Variants in DNM2 observed in about 807,000 individuals in gnomAD.
DNM2 encodes the protein dynamin-2.
DNM2 carries 15 observed loss-of-function variants against 99.0 expected under a neutral mutation model. The ratio of observed to expected loss-of-function variants is 0.15; its 90% confidence interval spans 0.10 to 0.23. The LOEUF (loss-of-function observed/expected upper bound fraction) is 0.23. Among genes scored for constraint, DNM2 ranks in the 10% least tolerant of loss-of-function variants. The pLI, the probability that DNM2 is intolerant of heterozygous loss-of-function variation, is 1.00. For missense variants in DNM2, 742 were observed against 1,189.4 expected (o/e 0.62, Z 5.53); for synonymous variants, 525 against 481.2 (o/e 1.09, Z -1.19).
In DNM2 at chr19:10,720,943, CAGAT is replaced by C. The variant is rs1017418454; in HGVS notation, c.161+2543_161+2546del. 1.2e-4 allele frequency among the ~76,000 whole-genome samples: 18 copies of C among 152,210 alleles called. No homozygotes were observed. The South Asian group carries it at 2.7e-3, about 23-fold the overall frequency. The stretch of plus-strand genomic sequence containing the variant: ...TTTTACAGAGCAGGAAACTGAGGCT[CAGAT>C]AGCTGAGCAGAACACTCTCACTGGA... On this transcript the variant is annotated intron_variant, in intron 1 of 20. Coordinates refer to ENST00000389253, the MANE Select transcript of DNM2 (RefSeq NM_001005361.3).
chr19:10,725,815 G>A (rs904752467), intron 1 of DNM2, among the ~76,000 whole-genome samples: 3 of 152,036 alleles, frequency 2.0e-5, no homozygotes, highest in Non-Finnish European at 2.9e-5. Context: ...GTACAGTGGC[G>A]TAATCATGGC....
intron 1 of DNM2, among the ~76,000 whole-genome samples, chr19:10,724,046 T>C (rs1310452355): frequency 1.3e-5 from 2 of 149,512 alleles, no homozygotes; most frequent in East Asian, 4.0e-4. Flanking sequence ...ATCACGCTAC[T>C]GCCTTCCAGC....
At position 10,730,383 on chromosome 19, in the gene DNM2, C is replaced by T. The variant is rs1350448046; in HGVS notation, c.161+11980C>T. On this transcript the variant is annotated intron_variant, in intron 1 of 20. Coordinates refer to ENST00000389253, the MANE Select transcript of DNM2 (RefSeq NM_001005361.3). ...CTTAGCTACTTGGAATCCCGAGGTGCGAGGATCCCTTGAGCTAGGGTAGCG... is the reference window on the plus strand; with the variant it reads ...CTTAGCTACTTGGAATCCCGAGGTGTGAGGATCCCTTGAGCTAGGGTAGCG... Among the ~76,000 whole-genome samples, 7 of 151,974 alleles carry T rather than the reference C, an allele frequency of 4.6e-5. No homozygotes were observed. The East Asian group carries it at 9.7e-4, about 21-fold the overall frequency.
chr19:10,791,711 C>G (rs182706654), intron 7 of DNM2, among the ~76,000 whole-genome samples: 3 of 152,134 alleles, frequency 2.0e-5, no homozygotes, highest in East Asian at 1.9e-4. Flanking sequence ...CCCCCTCCCC[C>G]CGTCGCCCAG....
intron 16 of DNM2, chr19:10,823,222 T>C (rs2073036750): frequency 6.7e-6 from 1 of 150,310 alleles, no homozygotes. Flanking sequence ...CTGACCAACA[T>C]GGAGAAACCC....
Position 10,795,352 on chromosome 19 carries a change from C to T in DNM2, c.1129-20C>T. 6.2e-7 allele frequency: 1 copy of T among 1,614,084 alleles called. No individual in the cohort carries two copies. The highest frequency in any genetic ancestry group is 8.5e-7 in the Non-Finnish European group (1 of 1,179,990). The stretch of plus-strand genomic sequence containing the variant: ...CGCCCCGGGTGCCTCCATGCATGTG[C>T]TTGGTTTGTCTCTTCTCAGATGGAG... On this transcript the variant is annotated intron_variant, in intron 8 of 20. Coordinates refer to ENST00000389253, the MANE Select transcript of DNM2 (RefSeq NM_001005361.3). This position sits in a 1 kb window ranked among gnomAD's most constrained non-coding sequence, Gnocchi z 4.2.
chr19:10,794,353 G>GTT (rs1292937486), intron 8 of DNM2, among the ~76,000 whole-genome samples: 1 of 150,980 alleles, frequency 6.6e-6, no homozygotes, highest in Non-Finnish European at 1.5e-5. Flanking sequence ...CCGTGTGTGT[G>GTT]TGTGTGTGTG....
chr19:10,803,458 T>C (rs2072227099), intron 12 of DNM2, among the ~76,000 whole-genome samples: 1 of 152,158 alleles, frequency 6.6e-6, no homozygotes, highest in Non-Finnish European at 1.5e-5. Context: ...GGCCCTGTGC[T>C]CCCGGCCGCC....
In DNM2 at chr19:10,816,280, A is replaced by C. The variant is rs967565315; in HGVS notation, c.1672-3700A>C. Among the ~76,000 whole-genome samples, 1 of 152,042 alleles carries C rather than the reference A, an allele frequency of 6.6e-6. No homozygotes were observed. The highest frequency in any genetic ancestry group is 1.5e-5 in the Non-Finnish European group (1 of 68,000). ...GGGTGAAAGGATCATCCCGCTCCAC[A>C]TGAGGCCAGACGCTCATCTCTGGAA... On this transcript the variant is annotated intron_variant, in intron 15 of 20. Coordinates refer to ENST00000389253, the MANE Select transcript of DNM2 (RefSeq NM_001005361.3). The surrounding 1 kb of genome is among the most constrained non-coding windows in gnomAD (Gnocchi z 4.6).
In DNM2 at chr19:10,749,243, C is replaced by T. The variant is rs544569971; in HGVS notation, c.162-10495C>T. Among the ~76,000 whole-genome samples the T allele has an allele frequency of 1.5e-4, 23 of 152,306 alleles. 1 individual carries two copies. In the South Asian group the frequency reaches 2.9e-3, roughly 19 times the overall value. Reference sequence around the variant, plus strand: ...CATCGTTCCTGCACGTAGCCGTCCCCACCCTCATAGGGGCTGGAAGTCAAA... The same window carrying T: ...CATCGTTCCTGCACGTAGCCGTCCCTACCCTCATAGGGGCTGGAAGTCAAA... On this transcript the variant is annotated intron_variant, in intron 1 of 20. Transcript: ENST00000389253.
chr19:10,734,198 T>A (rs2069438029), intron 1 of DNM2, among the ~76,000 whole-genome samples: 1 of 149,634 alleles, frequency 6.7e-6, no homozygotes, highest in African/African-American at 2.5e-5. Context: ...CTACAAAAAA[T>A]TGAGTGTGGT....
In DNM2 at chr19:10,741,903, T is replaced by C. The variant is rs539492643; in HGVS notation, c.162-17835T>C. On this transcript the variant is annotated intron_variant, in intron 1 of 20. Transcript: ENST00000389253. ...CTTCCTCCCTCCCTTCCTCTTTACC[T>C]TCCTCTTTACCTTCCTCTTTCCCTC... Among the ~76,000 whole-genome samples the C allele has an allele frequency of 7.3e-5, 11 of 151,684 alleles. No homozygotes were observed. In the East Asian group the frequency reaches 1.8e-3, roughly 24 times the overall value.
Position 10,760,827 on chromosome 19 carries a change from A to ATTTTTTTTTTTTTTTTTT in DNM2, c.235+1033_235+1034insTTTTTTTTTTTTTTTTTT, listed in dbSNP as rs57290103. Among the ~76,000 whole-genome samples the ATTTTTTTTTTTTTTTTTT allele has an allele frequency of 6.3e-3, 261 of 41,256 alleles. 102 individuals carry two copies. The highest frequency in any genetic ancestry group is 0.063 in the East Asian group (57 of 910). The allele number at this position is 41,256 out of a possible 152,430, so 27.1% of individuals were successfully genotyped here. ...GTGCACACACCACCACACCCAGCTG[A>ATTTTTTTTTTTTTTTTTT]TTTTTTTTTTTTTTTTTGGTAGAGA... On this transcript the variant is annotated intron_variant, in intron 2 of 20. Transcript: ENST00000389253.
chr19:10,779,463 G>C (rs1280731294), intron 5 of DNM2, among the ~76,000 whole-genome samples: 1 of 103,644 alleles, frequency 9.6e-6, no homozygotes, highest in Non-Finnish European at 2.0e-5. Context: ...CACTCTTGCT[G>C]TTATAAGTTT....
chr19:10,741,376 C>G (rs373956586), intron 1 of DNM2, among the ~76,000 whole-genome samples: 1 of 151,698 alleles, frequency 6.6e-6, no homozygotes, highest in Admixed American at 6.6e-5. Flanking sequence ...GGACCACAGG[C>G]GTGTGCCACA....
At chr19:10,822,424 C>T (rs1409848412) in intron 16 of DNM2, among the ~76,000 whole-genome samples, 1 of 151,948 alleles carries the variant, frequency 6.6e-6, no homozygotes, top group East Asian at 1.9e-4. Flanking sequence ...CTCCTGAGCT[C>T]AAGCAATCCC....
chr19:10,748,450 G>C (rs2070072952), intron 1 of DNM2, among the ~76,000 whole-genome samples: 1 of 152,196 alleles, frequency 6.6e-6, no homozygotes. Context: ...CCACAGGGAT[G>C]CAGTGGCACC....
intron 1 of DNM2, among the ~76,000 whole-genome samples, chr19:10,748,875 G>A (rs893765897): frequency 2.6e-5 from 4 of 152,206 alleles, no homozygotes; most frequent in Non-Finnish European, 5.9e-5. Context: ...TCCTTGTGTG[G>A]CTCTTATCAG....
Position 10,830,138 on chromosome 19 carries a change from A to G in DNM2, c.2303A>G (p.Gln768Arg). The G allele has an allele frequency of 1.2e-6, 2 of 1,613,658 alleles. No homozygotes were observed. The highest frequency in any genetic ancestry group is 4.5e-5 in the East Asian group (2 of 44,856). Residue 768 changes from glutamine (Q) to arginine (R), a missense_variant, in exon 20 of 21, where the codon CAG (glutamine) becomes CGG (arginine). Gln to Arg is a conservative substitution (Grantham distance 43). Around this residue, in one of 7 missense-constraint regions of DNM2, gnomAD observed 187 missense variants for 218.8 expected, o/e 0.85. Transcript: ENST00000389253. The surrounding 1 kb of genome is among the most constrained non-coding windows in gnomAD (Gnocchi z 4.8). The stretch of plus-strand genomic sequence containing the variant: ...CTCCTTCCTCACAGCCCCACTCCAC[A>G]GCGCCGACCGGTGTCCAGCATACAC... ...QSASSHSPTPQRRPVSSIHPP... is the reference protein window; with the variant it reads ...QSASSHSPTPRRRPVSSIHPP...
Sources: allele counts gnomAD v4.1 joint callset (sites outside exome capture counted in the v4.1 genomes callset), GRCh38; gene constraint gnomAD v4.1.1; regional missense constraint gnomAD v4.1.1; non-coding constraint Gnocchi (gnomAD v3.1); transcripts MANE v1.5; gene names NCBI Gene and HGNC (gene_info 2026-07-23, HGNC 2026-07-21).